The following CDC25C variants were observed in gnomAD, a reference collection of about 807,000 sequenced individuals.
The protein encoded by CDC25C is cell division cycle 25C.
A neutral mutation model predicts 52.5 loss-of-function variants in CDC25C; 48 were observed. The ratio of observed to expected loss-of-function variants is 0.91; its 90% CI spans 0.72 to 1.16. The LOEUF (loss-of-function observed/expected upper bound fraction) is 1.16. Among genes scored for constraint, CDC25C ranks in the 50% most tolerant of loss-of-function variants. The probability of loss-of-function intolerance (pLI) is 0.00; values close to 1 mark genes in which losing one functional copy is unlikely to be tolerated. For missense variants in CDC25C, 510 were observed against 566.1 expected (o/e 0.90, Z 1.01); for synonymous variants, 187 against 206.5 (o/e 0.91, Z 0.81).
In CDC25C at chr5:138,293,563, AG is replaced by A. The variant is rs575248555; in HGVS notation, c.616-1448del. ...GGGAAAGCTAGATGAGGATTTCAAA[AG>A]GGGCTTCTCTAGAACACACCATAAT... On this transcript the variant is annotated intron_variant, in intron 7 of 13. Coordinates refer to ENST00000323760, the MANE Select transcript of CDC25C (RefSeq NM_001790.5). Among the ~76,000 whole-genome samples the A allele has an allele frequency of 3.0e-3, 456 of 152,144 alleles. 6 individuals carry two copies. Among genetic ancestry groups the A allele is most frequent in the Middle Eastern group, 0.014 (4 of 294 alleles).
intron 6 of CDC25C, among the ~76,000 whole-genome samples, chr5:138,320,499 T>C (rs866220283): frequency 1.3e-5 from 2 of 151,984 alleles, no homozygotes; most frequent in South Asian, 2.1e-4. Flanking sequence ...TGCTATGACA[T>C]AGATGAACTT....
At position 138,292,091 on chromosome 5, in the gene CDC25C, G is replaced by A. The variant is rs1467468245; in HGVS notation, c.641C>T (p.Ser214Phe). 3 of 1,612,858 alleles carry A rather than the reference G, an allele frequency of 1.9e-6. No individual in the cohort carries two copies. The highest frequency in any genetic ancestry group is 2.5e-6 in the Non-Finnish European group (3 of 1,179,502). Residue 214 changes from serine to phenylalanine, a missense_variant, in exon 8 of 14, where the codon TCC becomes TTC. Transcript: ENST00000323760. The stretch of plus-strand genomic sequence containing the variant: ...GTTCAAGTTCTCTGGCATCGACGGG[G>A]AGCGATATAGGCCACTTCTGCTCAC... ...AKVSRSGLYR[S>F]PSMPENLNRP...
chr5:138,336,094 G>A (rs1159205827), upstream of CDC25C, among the ~76,000 whole-genome samples: 1 of 150,696 alleles, frequency 6.6e-6, no homozygotes, highest in Non-Finnish European at 1.5e-5. Context: ...AAGTGTGGTG[G>A]TTCACACCTG....
intron 7 of CDC25C, among the ~76,000 whole-genome samples, chr5:138,293,550 T>C (rs540999448): frequency 6.6e-6 from 1 of 151,956 alleles, no homozygotes; most frequent in African/African-American, 2.4e-5. Flanking sequence ...GAAAGCTAGA[T>C]GAGGATTTCA....
chr5:138,307,840 C>CAAAAAGG (rs1758138970), intron 7 of CDC25C, among the ~76,000 whole-genome samples: 1 of 152,104 alleles, frequency 6.6e-6, no homozygotes, highest in Non-Finnish European at 1.5e-5. Context: ...TGGTCCCCAG[C>CAAAAAGG]CTTTTTGATA....
At chr5:138,327,422 G>T (rs990112733) in intron 4 of CDC25C, among the ~76,000 whole-genome samples, 7 of 150,304 alleles carry the variant, frequency 4.7e-5, no homozygotes, top group Non-Finnish European at 8.9e-5. Context: ...CTTGAGGTCA[G>T]GAGTTCAAGA....
chr5:138,306,373 T>C (rs1340696441), intron 7 of CDC25C, among the ~76,000 whole-genome samples: 2 of 152,180 alleles, frequency 1.3e-5, no homozygotes, highest in African/African-American at 4.8e-5. Flanking sequence ...ACTCAATAAA[T>C]ATTTTTTAAG....
At chr5:138,311,154 C>T (rs910648047) in intron 7 of CDC25C, among the ~76,000 whole-genome samples, 9 of 152,112 alleles carry the variant, frequency 5.9e-5, no homozygotes, top group African/African-American at 2.2e-4. Context: ...CACAAGGGTC[C>T]CAATTTCTCC....
intron 1 of CDC25C, chr5:138,337,927 G>T: frequency 7.8e-7 from 1 of 1,281,484 alleles, no homozygotes; most frequent in African/African-American, 1.5e-5. Context: ...GTTGGAGGGA[G>T]GGAGGGCAGG....
chr5:138,304,281 A>T (rs1363396900), intron 7 of CDC25C, among the ~76,000 whole-genome samples: 1 of 114,962 alleles, frequency 8.7e-6, no homozygotes. Context: ...CCATCCTCCC[A>T]CCTCAGCCTC....
At chr5:138,337,647 A>G in intron 1 of CDC25C, 1 of 310,680 alleles carries the variant, frequency 3.2e-6, no homozygotes, top group Admixed American at 5.1e-5. Context: ...CCAAGTGGAA[A>G]CGTCCCCGCA....
At chr5:138,291,264 C>T (rs909934702) in intron 8 of CDC25C, among the ~76,000 whole-genome samples, 3 of 151,850 alleles carry the variant, frequency 2.0e-5, no homozygotes, top group Non-Finnish European at 4.4e-5. Context: ...CTAAGTTTTT[C>T]AGAAGTTGCT....
chr5:138,287,994 TA>T (rs1756390940), intron 10 of CDC25C, among the ~76,000 whole-genome samples: 1 of 152,098 alleles, frequency 6.6e-6, no homozygotes, highest in Non-Finnish European at 1.5e-5. Context: ...ATTAAAATGA[TA>T]ATATAGATAC....
intron 10 of CDC25C, 25 bp from the exon 11 acceptor site, chr5:138,287,292 T>G: frequency 6.6e-7 from 1 of 1,521,422 alleles, no homozygotes; most frequent in East Asian, 2.2e-5. Flanking sequence ...TGACTGAATA[T>G]TCTGCTCACT....
chr5:138,294,499 A>ATT (rs762737768), intron 7 of CDC25C, among the ~76,000 whole-genome samples: 170 of 95,932 alleles, frequency 1.8e-3, no homozygotes, highest in African/African-American at 3.2e-3. Context: ...CACTCAGCTA[A>ATT]TTTTTTTTTT....
At chr5:138,311,286 T>C (rs1042306142) in intron 7 of CDC25C, among the ~76,000 whole-genome samples, 1 of 152,128 alleles carries the variant, frequency 6.6e-6, no homozygotes, top group Non-Finnish European at 1.5e-5. Flanking sequence ...GCTATAACTA[T>C]AAAACTCTTT....
In CDC25C at chr5:138,319,374, C is replaced by G. The variant is rs758498172; in HGVS notation, c.460G>C (p.Asp154His). 1 of 1,609,568 alleles carries G rather than the reference C, an allele frequency of 6.2e-7. No homozygotes were observed. The highest frequency in any genetic ancestry group is 1.1e-5 in the South Asian group (1 of 90,192). The change falls in exon 7 of 14, where the codon GAC becomes CAC. Residue 154 changes from aspartate to histidine, a missense_variant and splice_region_variant. Physicochemically the swap from Asp to His is moderately conservative, Grantham distance 81. Coordinates refer to ENST00000323760, the MANE Select transcript of CDC25C (RefSeq NM_001790.5). ...MCSSSANKEN[D>H]NGNLVDSEMK... Reference sequence around the variant, plus strand: ...TCACTGTCCACCAAGTTTCCATTGTCCTGTCAAGTATATTGACAACATTAA... The same window carrying G: ...TCACTGTCCACCAAGTTTCCATTGTGCTGTCAAGTATATTGACAACATTAA...
chr5:138,308,055 C>T (rs1758160797), intron 7 of CDC25C, among the ~76,000 whole-genome samples: 1 of 152,152 alleles, frequency 6.6e-6, no homozygotes, highest in Non-Finnish European at 1.5e-5. Context: ...ACTGATCTGA[C>T]AGGAGGCAGA....
At chr5:138,337,766 C>T (rs1760813003) in intron 1 of CDC25C, 1 of 371,228 alleles carries the variant, frequency 2.7e-6, no homozygotes, top group East Asian at 8.0e-5. Flanking sequence ...CACTTCCCAG[C>T]AGCCTTCACG....
Sources: gnomAD v4.1 joint callset for allele counts (sites outside exome capture counted in the v4.1 genomes callset) on GRCh38, gnomAD v4.1.1 for gene constraint, MANE v1.5 for transcripts, NCBI Gene and HGNC (gene_info 2026-07-23, HGNC 2026-07-21) for gene names.